Variants in ZNF84 observed in about 807,000 individuals in gnomAD.
The protein encoded by ZNF84 is zinc finger protein HPF2.
ZNF84 carries 12 observed loss-of-function variants against 14.8 expected under a neutral mutation model. That is an observed-to-expected ratio of 0.81 (90% CI 0.52 to 1.31). The LOEUF is 1.31. Among genes scored for constraint, ZNF84 ranks in the 50% most tolerant of loss-of-function variants. The pLI is 0.00. For missense variants in ZNF84, 859 were observed against 878.6 expected, an observed-to-expected ratio of 0.98 and a Z score of 0.28; for synonymous variants, 347 against 291.1, an observed-to-expected ratio of 1.19 and a Z score of -1.96.
rs1053936942 is a variant in ZNF84, at chr12:133,058,739, G to A, written c.2024G>A (p.Arg675Lys). Residue 675 changes from arginine (R) to lysine (K), a missense_variant, in exon 5 of 5, where the codon AGG becomes AAG. Physicochemically the swap from Arg to Lys is conservative, Grantham distance 26. Transcript: ENST00000539354. ...AAGTCACACCTTATACCACATCAAA[G>A]GACACATACGGGTGAGAAACCCTAT... is the stretch of plus-strand genomic sequence containing the variant. ...SRKSHLIPHQ[R>K]THTGEKPYGC... is the part of the protein sequence containing the mutation. The A allele has an allele frequency of 6.2e-7, 1 of 1,614,004 alleles. No homozygotes were observed. The highest frequency in any genetic ancestry group is 8.5e-7 in the Non-Finnish European group (1 of 1,179,960).
intron 1 of ZNF84, among the ~76,000 whole-genome samples, chr12:133,039,469 A>G (rs1005319593): frequency 7.9e-5 from 12 of 152,180 alleles, no homozygotes; most frequent in Admixed American, 7.2e-4. Flanking sequence ...TTAACATTTG[A>G]ATTTTGCTAC....
intron 3 of ZNF84, chr12:133,048,505 A>G: frequency 3.0e-6 from 1 of 328,340 alleles, no homozygotes; most frequent in Non-Finnish European, 5.7e-6. Flanking sequence ...AAGAACTAAC[A>G]GCTAGTAAAT....
At chr12:133,046,344 A>G (rs1247109951) in intron 2 of ZNF84, among the ~76,000 whole-genome samples, 1 of 115,264 alleles carries the variant, frequency 8.7e-6, no homozygotes, top group African/African-American at 3.4e-5. Flanking sequence ...TTCAGTCCTC[A>G]CAGTTTTTTT....
intron 4 of ZNF84, 92 bp from the exon 5 acceptor site, chr12:133,056,862 C>A: frequency 8.9e-7 from 1 of 1,123,408 alleles, no homozygotes; most frequent in Non-Finnish European, 1.3e-6. Flanking sequence ...TTAAAAGCAG[C>A]CAACCCCTCA....
chr12:133,051,300 G>A (rs1954065180), intron 4 of ZNF84, among the ~76,000 whole-genome samples: 1 of 152,074 alleles, frequency 6.6e-6, no homozygotes, highest in Non-Finnish European at 1.5e-5. Flanking sequence ...TGAGATATTT[G>A]TGTTCTTTTT....
chr12:133,050,522 A>G (rs1251700568), intron 4 of ZNF84: 5 of 398,512 alleles, frequency 1.3e-5, no homozygotes, highest in African/African-American at 1.0e-4. Context: ...CTCTGCTTTC[A>G]GGGACCTCCA....
chr12:133,037,815 G>T (rs1234330321), intron 1 of ZNF84: 11 of 46,608 alleles, frequency 2.4e-4, no homozygotes, highest in African/African-American at 4.6e-4. Context: ...CGCCAGCCTC[G>T]GGCGCGTTTA....
chr12:133,042,725 A>G (rs2137334156), intron 2 of ZNF84, among the ~76,000 whole-genome samples: 1 of 152,344 alleles, frequency 6.6e-6, no homozygotes, highest in African/African-American at 2.4e-5. Context: ...CAAGGGTAGA[A>G]TGCCAGAGCA....
At chr12:133,056,244 TTTTTTTA>T (rs1179342227) in intron 4 of ZNF84, among the ~76,000 whole-genome samples, 1 of 152,038 alleles carries the variant, frequency 6.6e-6, no homozygotes. Flanking sequence ...CAGGAACTTA[TTTTTTTA>T]TTTTTTATTT....
At chr12:133,046,366 TTTTTTTTTTTTTTTTTTA>T (rs1953979359) in intron 2 of ZNF84, among the ~76,000 whole-genome samples, 7 of 34,280 alleles carry the variant, frequency 2.0e-4, no homozygotes, top group Non-Finnish European at 1.4e-4. Context: ...TTTTTTTTTT[TTTTTTTTTTTTTTTTTTA>T]AATCAGAGCT....
At chr12:133,048,216 C>T (rs1954016480) in intron 3 of ZNF84, 135 bp downstream of exon 3, 2 of 785,918 alleles carry the variant, frequency 2.5e-6, no homozygotes, top group South Asian at 2.0e-5. Flanking sequence ...ACTTAGATCA[C>T]AGTTGCTTGG....
At chr12:133,043,612 C>A (rs1210258069) in intron 2 of ZNF84, among the ~76,000 whole-genome samples, 1 of 152,126 alleles carries the variant, frequency 6.6e-6, no homozygotes, top group Non-Finnish European at 1.5e-5. Flanking sequence ...CAGGTTTAAT[C>A]TTTTTGTCCC....
Position 133,062,649 on chromosome 12 carries a change from A to G in ZNF84, c.*3717A>G, listed in dbSNP as rs1300417644. 2.7e-5 allele frequency: 5 copies of G among 187,896 alleles called. No homozygotes were observed. The highest frequency in any genetic ancestry group is 1.1e-4 in the Admixed American group (2 of 18,754). 11.6% of individuals were successfully genotyped at this position (187,896 alleles called of 1,614,324 possible). On this transcript the variant is annotated 3_prime_UTR_variant, in exon 5 of 5. Coordinates refer to ENST00000539354, the MANE Select transcript of ZNF84 (RefSeq NM_001289971.2). The stretch of plus-strand genomic sequence containing the variant: ...TTCAGTCCATTTTTCACATGTATAC[A>G]TAGTGATTATTTTTAAATGCAACCC...
At position 133,058,508 on chromosome 12, in the gene ZNF84, C is replaced by T; in HGVS notation, c.1793C>T (p.Pro598Leu). The change falls in exon 5 of 5, where the codon CCC becomes CTC. Residue 598 changes from proline to leucine, a missense_variant. Coordinates refer to ENST00000539354, the MANE Select transcript of ZNF84 (RefSeq NM_001289971.2). ...CAGAGAATTCACACTGGAGAGAAAC[C>T]CTATGAATGCAGTCTTTGTAGGAAA... Reference protein sequence around the residue: ...THQRIHTGEKPYECSLCRKAF... With the variant: ...THQRIHTGEKLYECSLCRKAF... The T allele has an allele frequency of 6.2e-7, 1 of 1,614,136 alleles. No homozygotes were observed. The highest frequency in any genetic ancestry group is 8.5e-7 in the Non-Finnish European group (1 of 1,180,014).
rs1954249616 is a variant in ZNF84, at chr12:133,060,824, A to C, written c.*1892A>C. ...GCATGAACCATCCCTTAGCTAAGTA[A>C]GGATTTTGTAATGTTCTCTCAATAA... On this transcript the variant is annotated 3_prime_UTR_variant, in exon 5 of 5. Transcript: ENST00000539354. 6.6e-6 allele frequency: 1 copy of C among 152,236 alleles called. No homozygotes were observed. The allele number at this position is 152,236 out of a possible 1,614,324, so 9.4% of individuals were successfully genotyped here.
rs113505421 is a variant in ZNF84, at chr12:133,042,658, C to T, written c.15+1176C>T. ...TGGTGGGTAATGTTCTCTAGAGAAA[C>T]GCTAATAAACGCATGAACCTTACGG... On this transcript the variant is annotated intron_variant, in intron 2 of 4. Transcript: ENST00000539354. Among the ~76,000 whole-genome samples the T allele has an allele frequency of 1.1e-4, 17 of 152,252 alleles. No individual in the cohort carries two copies. The East Asian group carries it at 1.9e-3, about 17-fold the overall frequency.
chr12:133,056,315 G>A (rs1419575681), intron 4 of ZNF84, among the ~76,000 whole-genome samples: 2 of 151,752 alleles, frequency 1.3e-5, no homozygotes, highest in African/African-American at 4.8e-5. Context: ...GTGCAGTGGC[G>A]TGATCTCGGC....
At chr12:133,048,723 C>A in intron 3 of ZNF84, 30 bp from the exon 4 acceptor site, 1 of 1,591,428 alleles carries the variant, frequency 6.3e-7, no homozygotes, top group Non-Finnish European at 8.6e-7. Flanking sequence ...GCAGTTGGGC[C>A]CAAGGCCTTT....
chr12:133,043,308 G>A (rs926403135), intron 2 of ZNF84, among the ~76,000 whole-genome samples: 50 of 152,218 alleles, frequency 3.3e-4, no homozygotes, highest in East Asian at 2.9e-3. Context: ...GGGACTACAG[G>A]CGCACGCTCC....
Sources: allele counts gnomAD v4.1 joint callset (sites outside exome capture counted in the v4.1 genomes callset), GRCh38; gene constraint gnomAD v4.1.1; transcripts MANE v1.5; gene names NCBI Gene and HGNC (gene_info 2026-07-23, HGNC 2026-07-21).